Variants in ADGRG3 observed in about 807,000 individuals in gnomAD.
ADGRG3 encodes the protein G protein-coupled receptor 97.
Under a neutral mutation model 54.3 loss-of-function variants are expected in ADGRG3, and 39 were observed. The ratio of observed to expected loss-of-function variants is 0.72; its 90% confidence interval spans 0.56 to 0.94. The LOEUF (loss-of-function observed/expected upper bound fraction) is 0.94. Among genes scored for constraint, ADGRG3 ranks in the 40% least tolerant of loss-of-function variants. ADGRG3 has a pLI of 0.00. For missense variants in ADGRG3, 654 were observed against 694.6 expected (o/e 0.94, Z 0.66); for synonymous variants, 312 against 290.0 (o/e 1.08, Z -0.77).
chr16:57,680,925 C>T (rs189861245), intron 8 of ADGRG3, among the ~76,000 whole-genome samples: 2 of 152,276 alleles, frequency 1.3e-5, no homozygotes, highest in African/African-American at 4.8e-5. Context: ...TGGCAGGGTT[C>T]GATCCAGGGG....
chr16:57,668,255 G>A (rs1350368685), upstream of ADGRG3: 1 of 996,104 alleles, frequency 1.0e-6, no homozygotes, highest in African/African-American at 1.6e-5. Flanking sequence ...AGAGTGGTGG[G>A]GCTGCAGGGT....
chr16:57,672,037 A>G (rs1000099356), intron 1 of ADGRG3, among the ~76,000 whole-genome samples: 5 of 152,182 alleles, frequency 3.3e-5, no homozygotes, highest in African/African-American at 1.2e-4. Context: ...AAAACTAGCC[A>G]GGCATGGTGG....
chr16:57,668,537 C>G (rs2048092860), intron 1 of ADGRG3, 132 bp downstream of exon 1: 1 of 800,402 alleles, frequency 1.2e-6, no homozygotes, highest in African/African-American at 1.7e-5. Context: ...TCCTCCGATA[C>G]CCCCCGTGGC....
intron 10 of ADGRG3, 84 bp from the exon 11 acceptor site, chr16:57,685,559 C>G (rs2048457841): frequency 2.2e-6 from 3 of 1,363,438 alleles, no homozygotes; most frequent in African/African-American, 1.4e-5. Flanking sequence ...CCTTCACAGA[C>G]AGAAAAGCTC....
chr16:57,669,498 TCCC>T (rs1462074177), intron 1 of ADGRG3, among the ~76,000 whole-genome samples: 2 of 152,168 alleles, frequency 1.3e-5, no homozygotes, highest in African/African-American at 4.8e-5. Flanking sequence ...CGTCCTCAGG[TCCC>T]AGCTGTCATC....
chr16:57,680,754 G>C, intron 8 of ADGRG3, 137 bp downstream of exon 8: 1 of 644,012 alleles, frequency 1.6e-6, no homozygotes, highest in Non-Finnish European at 2.8e-6. Context: ...CCCAAAATGG[G>C]GTTGGGGGTT....
At chr16:57,673,270 T>C (rs1262868588) in intron 1 of ADGRG3, 51 bp from the exon 2 acceptor site, 4 of 1,567,036 alleles carry the variant, frequency 2.6e-6, no homozygotes, top group Non-Finnish European at 2.6e-6. Flanking sequence ...TCCTCATCCT[T>C]GCTGCCCATC....
In ADGRG3 at chr16:57,684,225, T is replaced by A; in HGVS notation, c.1162+13T>A. The stretch of plus-strand genomic sequence containing the variant: ...CTGGTGGGCTGGGGTAGGTGCTGCC[T>A]GGATGGACAGAATAAACGGCCGGCC... On this transcript the variant is annotated intron_variant, in intron 9 of 11. Coordinates refer to ENST00000333493, the MANE Select transcript of ADGRG3 (RefSeq NM_170776.5). 1 of 1,608,300 alleles carries A rather than the reference T, an allele frequency of 6.2e-7. No homozygotes were observed. Among genetic ancestry groups the A allele is most frequent in the Non-Finnish European group, 8.5e-7 (1 of 1,176,478 alleles).
Position 57,688,480 on chromosome 16 carries a change from T to A in ADGRG3, c.*19T>A. ...AGAATAGGAAGGCACGGCCCTGCAATATGGACTCAGCTCTGGCTCTCTGTG... is the reference window on the plus strand; with the variant it reads ...AGAATAGGAAGGCACGGCCCTGCAAAATGGACTCAGCTCTGGCTCTCTGTG... On this transcript the variant is annotated 3_prime_UTR_variant, in exon 12 of 12. Coordinates refer to ENST00000333493, the MANE Select transcript of ADGRG3 (RefSeq NM_170776.5). 7.2e-7 allele frequency: 1 copy of A among 1,389,244 alleles called. No homozygotes were observed. Among genetic ancestry groups the A allele is most frequent in the Non-Finnish European group, 1.0e-6 (1 of 974,888 alleles). The allele number at this position is 1,389,244 out of a possible 1,614,324, so 86.1% of individuals were successfully genotyped here.
intron 2 of ADGRG3, among the ~76,000 whole-genome samples, chr16:57,675,889 T>A (rs1246917319): frequency 6.6e-6 from 1 of 152,222 alleles, no homozygotes; most frequent in Non-Finnish European, 1.5e-5. Flanking sequence ...GTGTGACGGT[T>A]GCACAACATT....
chr16:57,674,033 G>A (rs1177411112), intron 2 of ADGRG3, among the ~76,000 whole-genome samples: 1 of 152,198 alleles, frequency 6.6e-6, no homozygotes, highest in East Asian at 1.9e-4. Context: ...GGTGTGAAGG[G>A]TTGTGTAAGT....
chr16:57,676,129 C>T, intron 2 of ADGRG3, 71 bp from the exon 3 acceptor site: 2 of 1,463,582 alleles, frequency 1.4e-6, no homozygotes, highest in Non-Finnish European at 1.9e-6. Flanking sequence ...GCCCTCTCAC[C>T]CCAGGAGCCT....
chr16:57,687,394 G>A (rs1452836068), intron 11 of ADGRG3, among the ~76,000 whole-genome samples: 1 of 152,160 alleles, frequency 6.6e-6, no homozygotes. Flanking sequence ...TGGAACTACA[G>A]GCACATGCCA....
At chr16:57,688,007 CT>C (rs1176402400) in intron 11 of ADGRG3, among the ~76,000 whole-genome samples, 1 of 152,216 alleles carries the variant, frequency 6.6e-6, no homozygotes, top group Non-Finnish European at 1.5e-5. Context: ...TCACCCCACA[CT>C]TTCCCTTTTC....
At chr16:57,667,276 C>T (rs557298350), upstream of ADGRG3, among the ~76,000 whole-genome samples, 70 of 152,368 alleles carry the variant, frequency 4.6e-4, no homozygotes, top group African/African-American at 1.5e-3. Context: ...GTGCCAGCCC[C>T]GTGGGCCAGA....
intron 5 of ADGRG3, 142 bp from the exon 6 acceptor site, chr16:57,679,674 T>C: frequency 1.3e-6 from 1 of 752,694 alleles, no homozygotes; most frequent in Non-Finnish European, 2.4e-6. Context: ...AATTTTTCTG[T>C]GTGGCCCATG....
chr16:57,679,769 C>G (rs1306699756), intron 5 of ADGRG3, 47 bp from the exon 6 acceptor site: 3 of 1,544,252 alleles, frequency 1.9e-6, no homozygotes, highest in South Asian at 2.2e-5. Context: ...CTGCCCTCCC[C>G]CAAACTTCCC....
intron 1 of ADGRG3, among the ~76,000 whole-genome samples, chr16:57,670,453 C>A (rs957553895): frequency 6.6e-6 from 1 of 152,094 alleles, no homozygotes; most frequent in African/African-American, 2.4e-5. Flanking sequence ...GAGAATGGCA[C>A]CCGTCCTCAA....
chr16:57,674,249 A>G (rs1271781172), intron 2 of ADGRG3, among the ~76,000 whole-genome samples: 1 of 152,110 alleles, frequency 6.6e-6, no homozygotes, highest in Non-Finnish European at 1.5e-5. Context: ...CGTGCTTGGA[A>G]AGGAGAGATG....
Sources: gnomAD v4.1 joint callset for allele counts (sites outside exome capture counted in the v4.1 genomes callset) on GRCh38, gnomAD v4.1.1 for gene constraint, MANE v1.5 for transcripts, NCBI Gene and HGNC (gene_info 2026-07-23, HGNC 2026-07-21) for gene names.